The following SIPA1L3 variants were observed in gnomAD, a reference collection of about 807,000 sequenced individuals.
SIPA1L3 encodes signal induced proliferation associated 1 like 3.
SIPA1L3 carries 59 observed loss-of-function variants against 150.1 expected under a neutral mutation model. That is an observed-to-expected ratio of 0.39 (90% CI 0.32 to 0.49). The LOEUF is 0.49. Among genes scored for constraint, SIPA1L3 ranks in the 20% least tolerant of loss-of-function variants. SIPA1L3 has a pLI of 0.86. For synonymous variants in SIPA1L3, 1,070 were observed against 1,077.6 expected, an observed-to-expected ratio of 0.99 and a Z score of 0.14; for missense variants, 2,211 against 2,489.5, an observed-to-expected ratio of 0.89 and a Z score of 2.38.
At chr19:38,191,795 G>C (rs1972809854) in intron 16 of SIPA1L3, among the ~76,000 whole-genome samples, 1 of 152,072 alleles carries the variant, frequency 6.6e-6, no homozygotes, top group Non-Finnish European at 1.5e-5. Context: ...TGGGTGACAG[G>C]GCAAGACTCC....
chr19:38,126,572 T>C (rs886968137), intron 9 of SIPA1L3, among the ~76,000 whole-genome samples: 1 of 152,058 alleles, frequency 6.6e-6, no homozygotes. Flanking sequence ...AGTCTCTCTC[T>C]GTTGCCTAGG....
chr19:37,950,621 G>T (rs1351056205), intron 1 of SIPA1L3, among the ~76,000 whole-genome samples: 1 of 152,202 alleles, frequency 6.6e-6, no homozygotes, highest in Non-Finnish European at 1.5e-5. Context: ...TGGCGGGCTT[G>T]GTTCTAGGGC....
Position 38,119,491 on chromosome 19 carries a change from A to G in SIPA1L3, c.2477A>G (p.Lys826Arg). ...MATRTRQEYL[K>R]DLAENCVSNT... is the part of the protein sequence containing the mutation. ...ACCAGGACCCGCCAGGAGTATCTCA[A>G]GGACCTGGCCGAAAACTGTGTCTCC... is the stretch of plus-strand genomic sequence containing the variant. Residue 826 changes from lysine to arginine, a missense_variant, in exon 9 of 22, where the codon AAG becomes AGG. Lys to Arg is a conservative substitution (Grantham distance 26, BLOSUM62 2). Coordinates refer to ENST00000222345, the MANE Select transcript of SIPA1L3 (RefSeq NM_015073.3). The G allele has an allele frequency of 1.2e-6, 2 of 1,614,204 alleles. No individual in the cohort carries two copies. The highest frequency in any genetic ancestry group is 1.7e-6 in the Non-Finnish European group (2 of 1,180,042).
chr19:38,194,807 T>C lies in SIPA1L3; in HGVS notation c.4840+1027T>C, dbSNP rs796075888. 4.9e-4 allele frequency among the ~76,000 whole-genome samples: 74 copies of C among 152,194 alleles called. 1 individual carries two copies. Among genetic ancestry groups the C allele is most frequent in the African/African-American group, 1.7e-3 (70 of 41,546 alleles). ...GGCTCACGCCTGTAATCCCAGCACTTTGGGAGGCCGAGGCGGGTGGATCAC... is the reference window on the plus strand; with the variant it reads ...GGCTCACGCCTGTAATCCCAGCACTCTGGGAGGCCGAGGCGGGTGGATCAC... On this transcript the variant is annotated intron_variant, in intron 18 of 21. Transcript: ENST00000222345.
chr19:38,000,896 A>ATATATATATATAACATATATATATGT (rs1568495849), intron 1 of SIPA1L3, among the ~76,000 whole-genome samples: 4 of 19,586 alleles, frequency 2.0e-4, no homozygotes, highest in Admixed American at 4.7e-4. Context: ...TATATATGTT[A>ATATATATATATAACATATATATATGT]TATATATATA....
chr19:37,989,114 T>A (rs537701709), intron 1 of SIPA1L3, among the ~76,000 whole-genome samples: 1 of 152,296 alleles, frequency 6.6e-6, no homozygotes, highest in South Asian at 2.1e-4. Flanking sequence ...GGCTGTGTGA[T>A]TGAGGAGGGA....
chr19:37,999,832 G>A (rs777600214), intron 1 of SIPA1L3, among the ~76,000 whole-genome samples: 1 of 152,168 alleles, frequency 6.6e-6, no homozygotes. Context: ...AGGGACACTG[G>A]GAACCTAGCC....
At chr19:37,994,168 C>T (rs1038952649) in intron 1 of SIPA1L3, among the ~76,000 whole-genome samples, 3 of 152,134 alleles carry the variant, frequency 2.0e-5, no homozygotes, top group Admixed American at 2.0e-4. Context: ...TCCCAAAGTG[C>T]TGGGATTACA....
chr19:38,013,521 G>A (rs899812289), intron 1 of SIPA1L3, among the ~76,000 whole-genome samples: 4 of 152,142 alleles, frequency 2.6e-5, no homozygotes, highest in African/African-American at 9.7e-5. Context: ...CCTCCTGTGA[G>A]GACACCCATG....
intron 6 of SIPA1L3, among the ~76,000 whole-genome samples, chr19:38,104,252 G>A (rs79014042): frequency 0.034 from 5,103 of 152,290 alleles, 251 homozygotes; most frequent in African/African-American, 0.11. Flanking sequence ...CTGCTCCTCC[G>A]CTGAAGGAGG....
intron 1 of SIPA1L3, among the ~76,000 whole-genome samples, chr19:37,990,223 G>T (rs907943749): frequency 6.6e-6 from 1 of 152,128 alleles, no homozygotes; most frequent in African/African-American, 2.4e-5. Context: ...TAACTGGGTG[G>T]ACCAGATCAC....
Position 38,081,920 on chromosome 19 carries a change from A to T in SIPA1L3, c.355A>T (p.Ser119Cys). 3.1e-6 allele frequency: 5 copies of T among 1,614,098 alleles called. No individual in the cohort carries two copies. The highest frequency in any genetic ancestry group is 4.2e-6 in the Non-Finnish European group (5 of 1,179,984). The part of the protein sequence containing the change: ...KATKMAHSMR[S>C]IQNGQPPTST... ...CACCAAGATGGCCCATTCCATGAGG[A>T]GCATACAGAACGGACAGCCCCCCAC... Residue 119 changes from serine (S) to cysteine (C), a missense_variant, in exon 3 of 22, where the codon AGC (serine) becomes TGC (cysteine). Ser to Cys is a moderately radical substitution (Grantham distance 112). Coordinates refer to ENST00000222345, the MANE Select transcript of SIPA1L3 (RefSeq NM_015073.3).
chr19:38,123,199 T>G (rs1971064224), intron 9 of SIPA1L3, among the ~76,000 whole-genome samples: 1 of 152,052 alleles, frequency 6.6e-6, no homozygotes, highest in South Asian at 2.1e-4. Flanking sequence ...ATGAGGAAAC[T>G]GAGGCCCAGA....
chr19:38,082,600 G>T lies in SIPA1L3; in HGVS notation c.1035G>T (p.Val345=), dbSNP rs766524038. 6.2e-7 allele frequency: 1 copy of T among 1,604,258 alleles called. No homozygotes were observed. The highest frequency in any genetic ancestry group is 8.5e-7 in the Non-Finnish European group (1 of 1,179,768). The part of the protein sequence containing the change: ...VCQKSFAHFD[V]QSMLFDLNEA... ...AGAAGAGCTTCGCCCACTTCGACGTGCAGAGCATGCTGTTCGACCTCAACG... is the reference window on the plus strand; with the variant it reads ...AGAAGAGCTTCGCCCACTTCGACGTTCAGAGCATGCTGTTCGACCTCAACG... The change falls in exon 3 of 22, where the codon GTG becomes GTT. Residue 345 remains valine, a synonymous_variant. Coordinates refer to ENST00000222345, the MANE Select transcript of SIPA1L3 (RefSeq NM_015073.3).
rs1326226134 is a variant in SIPA1L3 at position 38,119,593 on chromosome 19, G to A, written c.2579G>A (p.Arg860Gln). The A allele has an allele frequency of 1.2e-6, 2 of 1,614,202 alleles. No individual in the cohort carries two copies. The highest frequency in any genetic ancestry group is 2.2e-5 in the East Asian group (1 of 44,886). ...AAGAAGAAGGAAAAGACAAAAGCAC[G>A]GGCTGGCGCTGAGCAGCACAGTGCA... ...TSKKKEKTKA[R>Q]AGAEQHSAGA... Residue 860 changes from arginine (R) to glutamine (Q), a missense_variant, in exon 9 of 22, where the codon CGG becomes CAG. By Grantham distance (43) the Arg-to-Gln change is conservative (BLOSUM62 1). Coordinates refer to ENST00000222345, the MANE Select transcript of SIPA1L3 (RefSeq NM_015073.3).
Position 38,197,530 on chromosome 19 carries a change from C to G in SIPA1L3, c.4841-859C>G, listed in dbSNP as rs181984198. On this transcript the variant is annotated intron_variant, in intron 18 of 21. Coordinates refer to ENST00000222345, the MANE Select transcript of SIPA1L3 (RefSeq NM_015073.3). ...AAACACTGTCCATACACTGGCGATTCCAATCACAGGTGCAGCTGGGACTCT... is the reference window on the plus strand; with the variant it reads ...AAACACTGTCCATACACTGGCGATTGCAATCACAGGTGCAGCTGGGACTCT... 2.8e-3 allele frequency among the ~76,000 whole-genome samples: 422 copies of G among 152,096 alleles called. 1 individual carries two copies. The highest frequency in any genetic ancestry group is 9.0e-3 in the African/African-American group (374 of 41,464).
intron 15 of SIPA1L3, among the ~76,000 whole-genome samples, chr19:38,177,692 A>T (rs1568594444): frequency 6.6e-6 from 1 of 151,984 alleles, no homozygotes; most frequent in Non-Finnish European, 1.5e-5. Context: ...ACATAAACAG[A>T]GATTGACCTT....
intron 8 of SIPA1L3, among the ~76,000 whole-genome samples, chr19:38,113,786 C>T (rs1970822129): frequency 6.6e-6 from 1 of 152,106 alleles, no homozygotes; most frequent in Non-Finnish European, 1.5e-5. Context: ...GTTGCAGGCA[C>T]TGAAAAAATA....
chr19:38,002,354 T>G (rs1057281772), intron 1 of SIPA1L3, among the ~76,000 whole-genome samples: 1 of 152,216 alleles, frequency 6.6e-6, no homozygotes, highest in Non-Finnish European at 1.5e-5. Context: ...GGTTCATTCA[T>G]GTTGTATATA....
Sources: allele counts gnomAD v4.1 joint callset (sites outside exome capture counted in the v4.1 genomes callset), GRCh38; gene constraint gnomAD v4.1.1; transcripts MANE v1.5; gene names NCBI Gene and HGNC (gene_info 2026-07-23, HGNC 2026-07-21).